Variants in KIRREL1 observed in about 807,000 individuals in gnomAD.
KIRREL1 encodes kirre like nephrin family adhesion molecule 1.
KIRREL1 carries 25 observed loss-of-function variants against 83.3 expected under a neutral mutation model. That is an observed-to-expected ratio of 0.30 (90% confidence interval 0.22 to 0.42). The LOEUF (loss-of-function observed/expected upper bound fraction) is 0.42. Among genes scored for constraint, KIRREL1 ranks in the 10% least tolerant of loss-of-function variants. The pLI is 1.00. For missense variants in KIRREL1, 812 were observed against 1,032.3 expected, an observed-to-expected ratio of 0.79 and a Z score of 2.92; for synonymous variants, 388 against 410.4, an observed-to-expected ratio of 0.95 and a Z score of 0.66.
chr1:158,082,687 G>T (rs1342546455), intron 3 of KIRREL1, among the ~76,000 whole-genome samples: 2 of 152,114 alleles, frequency 1.3e-5, no homozygotes, highest in African/African-American at 4.8e-5. Context: ...TCTTTTATCG[G>T]TGGAGCACGC....
chr1:158,013,792 A>G (rs1170851340), intron 1 of KIRREL1, among the ~76,000 whole-genome samples: 1 of 151,690 alleles, frequency 6.6e-6, no homozygotes, highest in Non-Finnish European at 1.5e-5. Context: ...CTCCCCTACC[A>G]TTCCCCACTG....
chr1:158,019,418 C>T (rs1196592262), intron 1 of KIRREL1, among the ~76,000 whole-genome samples: 3 of 152,004 alleles, frequency 2.0e-5, no homozygotes, highest in Non-Finnish European at 2.9e-5. Context: ...GATGGGCAAA[C>T]GAAAGGATTT....
rs373857890 is a variant in KIRREL1, at chr1:158,078,120, G to C, written c.332G>C (p.Arg111Pro). ...QATEAALRSR[R>P]AKLTVLIPPE... is the part of the protein sequence containing the mutation. ...ACGGAGGCCGCCCTGCGCTCTCGGC[G>C]GGCCAAACTCACCGTGCTCAGTAAG... The change falls in exon 3 of 15, where the codon CGG becomes CCG. Residue 111 changes from arginine (R) to proline (P), a missense_variant. Coordinates refer to ENST00000359209, the MANE Select transcript of KIRREL1 (RefSeq NM_018240.7). 6.2e-7 allele frequency: 1 copy of C among 1,613,984 alleles called. No homozygotes were observed. Among genetic ancestry groups the C allele is most frequent in the Non-Finnish European group, 8.5e-7 (1 of 1,180,010 alleles).
At chr1:158,029,337 C>CTGTGTGTGTGTGTGTGTGTGTGTGTG (rs60980289) in intron 1 of KIRREL1, among the ~76,000 whole-genome samples, 4 of 69,262 alleles carry the variant, frequency 5.8e-5, no homozygotes, top group Non-Finnish European at 1.4e-4. Flanking sequence ...TAACAAAAAC[C>CTGTGTGTGTGTGTGTGTGTGTGTGTG]TGTGTGTGTG....
intron 3 of KIRREL1, among the ~76,000 whole-genome samples, chr1:158,081,812 G>T (rs776105863): frequency 1.1e-4 from 17 of 152,184 alleles, no homozygotes; most frequent in Non-Finnish European, 1.3e-4. Flanking sequence ...GTGACAGATG[G>T]GTAGTCTTTG....
At chr1:158,051,663 T>C (rs1660913616) in intron 1 of KIRREL1, among the ~76,000 whole-genome samples, 1 of 152,160 alleles carries the variant, frequency 6.6e-6, no homozygotes, top group African/African-American at 2.4e-5. Flanking sequence ...CTTACTCTTT[T>C]CCTGGGAAAA....
chr1:158,000,210 T>C (rs77617709), intron 1 of KIRREL1, among the ~76,000 whole-genome samples: 2,254 of 152,360 alleles, frequency 0.015, 32 homozygotes, highest in Non-Finnish European at 0.024. Context: ...AGTGCAGCTA[T>C]ACATGCACCC....
chr1:158,056,668 G>C (rs1465022650), intron 1 of KIRREL1, among the ~76,000 whole-genome samples: 2 of 152,214 alleles, frequency 1.3e-5, no homozygotes, highest in African/African-American at 4.8e-5. Context: ...TGGAGAGCAG[G>C]AGGAAGAAAT....
chr1:158,057,364 C>G (rs1163418220), intron 1 of KIRREL1, among the ~76,000 whole-genome samples: 3 of 152,156 alleles, frequency 2.0e-5, no homozygotes, highest in East Asian at 1.9e-4. Context: ...CTTTAGGGCC[C>G]TTGACTTCCT....
At chr1:158,035,157 A>AT (rs1240604637) in intron 1 of KIRREL1, among the ~76,000 whole-genome samples, 2 of 152,162 alleles carry the variant, frequency 1.3e-5, no homozygotes, top group Non-Finnish European at 2.9e-5. Context: ...CTAGGTAGCT[A>AT]TTCAGGCTCC....
intron 1 of KIRREL1, among the ~76,000 whole-genome samples, chr1:158,067,518 G>A (rs138917680): frequency 5.4e-4 from 83 of 152,320 alleles, no homozygotes; most frequent in African/African-American, 1.9e-3. Context: ...GTCAGCAGGA[G>A]GCAGGGTTGC....
At chr1:158,063,690 C>T (rs149680075) in intron 1 of KIRREL1, among the ~76,000 whole-genome samples, 1 of 152,350 alleles carries the variant, frequency 6.6e-6, no homozygotes, top group East Asian at 1.9e-4. Flanking sequence ...TTCCCAACTT[C>T]ACACTGCTGT....
At chr1:158,008,251 G>C (rs1197776225) in intron 1 of KIRREL1, among the ~76,000 whole-genome samples, 5 of 152,022 alleles carry the variant, frequency 3.3e-5, no homozygotes, top group African/African-American at 1.2e-4. Context: ...GGGACACTTG[G>C]GGTGGTAAGG....
chr1:158,080,325 G>A (rs746255620), intron 3 of KIRREL1, among the ~76,000 whole-genome samples: 1 of 152,198 alleles, frequency 6.6e-6, no homozygotes, highest in Non-Finnish European at 1.5e-5. Context: ...AAGCTACTAA[G>A]TGTTGCAGTA....
chr1:158,039,544 C>T (rs6427417), intron 1 of KIRREL1, among the ~76,000 whole-genome samples: 132,013 of 152,160 alleles, frequency 0.87, 57,429 homozygotes, highest in East Asian at 1. Flanking sequence ...AGCCGGGATG[C>T]GCCTGCACTC....
chr1:158,079,714 G>A (rs1661788405), intron 3 of KIRREL1, among the ~76,000 whole-genome samples: 2 of 152,344 alleles, frequency 1.3e-5, no homozygotes, highest in South Asian at 4.1e-4. Context: ...ACTGCTGGTG[G>A]TTAGGAGACC....
At chr1:158,046,779 C>T (rs1418884884) in intron 1 of KIRREL1, among the ~76,000 whole-genome samples, 2 of 152,132 alleles carry the variant, frequency 1.3e-5, no homozygotes, top group Admixed American at 6.5e-5. Context: ...GATTTAGCAA[C>T]TTGTAGGTCA....
intron 1 of KIRREL1, among the ~76,000 whole-genome samples, chr1:158,056,742 C>T (rs185598741): frequency 5.3e-5 from 8 of 152,310 alleles, no homozygotes; most frequent in East Asian, 1.9e-4. Flanking sequence ...TAATGCATCA[C>T]GTTTAGATAG....
chr1:158,047,904 A>G lies in KIRREL1; in HGVS notation c.53-28209A>G, dbSNP rs186089418. Among the ~76,000 whole-genome samples, 248 of 152,138 alleles carry G rather than the reference A, an allele frequency of 1.6e-3. 1 individual carries two copies. The highest frequency in any genetic ancestry group is 2.9e-3 in the Non-Finnish European group (198 of 68,004). ...TCCTAACCTCATGCCCCTTCTCCTGATTTCTTGAAGCTTTCCCCAGTCTGG... is the reference window on the plus strand; with the variant it reads ...TCCTAACCTCATGCCCCTTCTCCTGGTTTCTTGAAGCTTTCCCCAGTCTGG... On this transcript the variant is annotated intron_variant, in intron 1 of 14. Coordinates refer to ENST00000359209, the MANE Select transcript of KIRREL1 (RefSeq NM_018240.7).
Sources: allele counts gnomAD v4.1 joint callset (sites outside exome capture counted in the v4.1 genomes callset), GRCh38; gene constraint gnomAD v4.1.1; transcripts MANE v1.5; gene names NCBI Gene and HGNC (gene_info 2026-07-23, HGNC 2026-07-21).